Variants in SARNP observed in about 807,000 individuals in gnomAD.
SARNP encodes the protein SAP domain-containing ribonucleoprotein.
SARNP carries 5 observed loss-of-function variants against 38.1 expected under a neutral mutation model. The ratio of observed to expected loss-of-function variants is 0.13; its 90% confidence interval spans 0.07 to 0.28. The LOEUF (loss-of-function observed/expected upper bound fraction) is 0.28, where lower values mean the gene tolerates loss of function less well. Among genes scored for constraint, SARNP ranks in the 10% least tolerant of loss-of-function variants. The pLI, the probability that SARNP is intolerant of heterozygous loss-of-function variation, is 1.00. For synonymous variants in SARNP, 84 were observed against 80.6 expected (o/e 1.04, Z -0.23); for missense variants, 180 against 243.9 (o/e 0.74, Z 1.75).
chr12:55,805,157 G>A (rs868705583), intron 1 of SARNP, among the ~76,000 whole-genome samples: 2 of 152,162 alleles, frequency 1.3e-5, no homozygotes, highest in Non-Finnish European at 2.9e-5. Context: ...AGCTACTCGG[G>A]AGGCTGAGGC....
intron 2 of SARNP, among the ~76,000 whole-genome samples, chr12:55,802,966 A>C (rs752777615): frequency 6.6e-6 from 1 of 151,924 alleles, no homozygotes; most frequent in Non-Finnish European, 1.5e-5. Flanking sequence ...AAAATGAGAA[A>C]TAAAGCAAGG....
intron 2 of SARNP, among the ~76,000 whole-genome samples, chr12:55,801,282 A>AAGACAT (rs1433446314): frequency 1.3e-5 from 2 of 152,104 alleles, no homozygotes; most frequent in Admixed American, 1.3e-4. Context: ...CTTTACAAAA[A>AAGACAT]ACATAAAAAA....
At chr12:55,757,716 C>T (rs1337471106) in intron 10 of SARNP, among the ~76,000 whole-genome samples, 163 bp from the exon 11 acceptor site, 1 of 152,124 alleles carries the variant, frequency 6.6e-6, no homozygotes, top group Admixed American at 6.6e-5. Context: ...TGAATCTCTC[C>T]AATCCTTCCA....
At chr12:55,754,585 C>T (rs1878444136), downstream of SARNP, 1 of 152,196 alleles carries the variant, frequency 6.6e-6, no homozygotes, top group African/African-American at 2.4e-5. Flanking sequence ...TATGCACACA[C>T]AAACATGTTC....
chr12:55,786,573 C>T (rs1879502317), intron 9 of SARNP, among the ~76,000 whole-genome samples: 2 of 152,180 alleles, frequency 1.3e-5, no homozygotes, highest in African/African-American at 2.4e-5. Flanking sequence ...CCTCAGCCTC[C>T]CAAGTAGCTG....
chr12:55,790,359 C>T (rs12304507), intron 8 of SARNP, among the ~76,000 whole-genome samples: 8,533 of 152,160 alleles, frequency 0.056, 313 homozygotes, highest in East Asian at 0.11. Context: ...GGAAGGAAGA[C>T]GTCTGCAGTA....
chr12:55,766,587 T>C (rs1051561689), intron 9 of SARNP, among the ~76,000 whole-genome samples: 2 of 139,720 alleles, frequency 1.4e-5, no homozygotes, highest in East Asian at 2.2e-4. Context: ...ACAGAAAGCA[T>C]AGTCTATATA....
chr12:55,816,664 T>C (rs1880495586), intron 1 of SARNP, among the ~76,000 whole-genome samples: 1 of 152,252 alleles, frequency 6.6e-6, no homozygotes, highest in Non-Finnish European at 1.5e-5. Flanking sequence ...GCCTGGTTTG[T>C]CCAAAACATC....
chr12:55,801,976 G>C (rs1879992874), intron 2 of SARNP, among the ~76,000 whole-genome samples: 1 of 152,134 alleles, frequency 6.6e-6, no homozygotes, highest in Admixed American at 6.5e-5. Context: ...TAAAAGAAAT[G>C]CCTGCAAGCC....
intron 9 of SARNP, among the ~76,000 whole-genome samples, chr12:55,777,468 G>A (rs902488640): frequency 4.0e-5 from 6 of 151,456 alleles, no homozygotes; most frequent in East Asian, 1.9e-4. Flanking sequence ...TCTGCCTCCC[G>A]GGTTCAAGCG....
chr12:55,800,598 A>G lies in SARNP; in HGVS notation c.215T>C (p.Val72Ala). 1.2e-6 allele frequency: 2 copies of G among 1,612,426 alleles called. No homozygotes were observed. Among genetic ancestry groups the G allele is most frequent in the Non-Finnish European group, 1.7e-6 (2 of 1,179,280 alleles). The stretch of plus-strand genomic sequence containing the variant: ...TTTTTCAGGGGGTTCTTCCTCTTTG[A>G]CAGGGAGCTCAATGGGCTTTGTTTC... ...EEETKPIELPVKEEEPPEKTV... is the reference protein window; with the variant it reads ...EEETKPIELPAKEEEPPEKTV... The change falls in exon 4 of 11, where the codon GTC becomes GCC. Residue 72 changes from valine (V) to alanine (A), a missense_variant. This residue lies in a region of SARNP where 161 missense variants were observed against 194.1 expected (regional missense o/e 0.83). Transcript: ENST00000336133.
At chr12:55,771,425 C>G (rs940984472) in intron 9 of SARNP, among the ~76,000 whole-genome samples, 1 of 152,200 alleles carries the variant, frequency 6.6e-6, no homozygotes, top group Admixed American at 6.5e-5. Context: ...CATCGTTATT[C>G]TCTGCGACCA....
intron 1 of SARNP, among the ~76,000 whole-genome samples, chr12:55,813,347 A>G (rs1880386964): frequency 6.6e-6 from 1 of 152,062 alleles, no homozygotes; most frequent in Admixed American, 6.6e-5. Flanking sequence ...TTGGGTAAAT[A>G]ATATTTGAGT....
intron 9 of SARNP, among the ~76,000 whole-genome samples, chr12:55,773,328 C>G (rs1222699265): frequency 6.6e-6 from 1 of 152,134 alleles, no homozygotes; most frequent in African/African-American, 2.4e-5. Context: ...AATTTCTCAT[C>G]AAGTCCAAGT....
At chr12:55,806,853 T>C (rs1285150116) in intron 1 of SARNP, among the ~76,000 whole-genome samples, 1 of 152,248 alleles carries the variant, frequency 6.6e-6, no homozygotes, top group African/African-American at 2.4e-5. Flanking sequence ...TCAAGAATTT[T>C]ATAAAGCATT....
chr12:55,806,956 TTTTA>T (rs1323653037), intron 1 of SARNP, among the ~76,000 whole-genome samples: 1 of 152,184 alleles, frequency 6.6e-6, no homozygotes, highest in African/African-American at 2.4e-5. Flanking sequence ...TCAATGCATT[TTTTA>T]TTTTATTTAT....
At chr12:55,787,437 T>A (rs1406754493) in intron 9 of SARNP, among the ~76,000 whole-genome samples, 1 of 152,154 alleles carries the variant, frequency 6.6e-6, no homozygotes, top group Non-Finnish European at 1.5e-5. Flanking sequence ...TTGGAAATAC[T>A]GATGTTTTTC....
chr12:55,804,314 T>C (rs1373620797), intron 1 of SARNP, among the ~76,000 whole-genome samples: 2 of 151,398 alleles, frequency 1.3e-5, no homozygotes, highest in Non-Finnish European at 2.9e-5. Context: ...TTAACTTATC[T>C]AAAGATATAA....
At position 55,803,669 on chromosome 12, in the gene SARNP, T is replaced by C. The variant is rs1592579605; in HGVS notation, c.96A>G (p.Gln32=). The part of the protein sequence containing the change: ...ARGLETKGIK[Q]DLIHRLQAYL... Reference sequence around the variant, plus strand: ...ATGCCTGGAGTCTGTGGATAAGATCTTGCTTTATTCCCTTGGTCTCCAAAC... The same window carrying C: ...ATGCCTGGAGTCTGTGGATAAGATCCTGCTTTATTCCCTTGGTCTCCAAAC... The change falls in exon 2 of 11, where the codon CAA becomes CAG. Residue 32 remains glutamine (Q), a synonymous_variant. Coordinates refer to ENST00000336133, the MANE Select transcript of SARNP (RefSeq NM_033082.4). 3.1e-6 allele frequency: 5 copies of C among 1,613,658 alleles called. No individual in the cohort carries two copies. The African/African-American group carries it at 4.0e-5, about 13-fold the overall frequency.
Sources: allele counts gnomAD v4.1 joint callset (sites outside exome capture counted in the v4.1 genomes callset), GRCh38; gene constraint gnomAD v4.1.1; regional missense constraint gnomAD v4.1.1; transcripts MANE v1.5; gene names NCBI Gene and HGNC (gene_info 2026-07-23, HGNC 2026-07-21).